MFSD2A: variants seen among roughly 807,000 people sequenced by gnomAD.
MFSD2A encodes sodium-dependent lysophosphatidylcholine symporter 1.
Under a neutral mutation model 64.7 loss-of-function variants are expected in MFSD2A, and 27 were observed. The observed-to-expected ratio is 0.42, with a 90% CI of 0.31 to 0.58. MFSD2A has a LOEUF of 0.58. MFSD2A is among the 20% of genes least tolerant of loss of function. The pLI, the probability that MFSD2A is intolerant of heterozygous loss-of-function variation, is 0.18. For synonymous variants in MFSD2A, 258 were observed against 273.4 expected, an observed-to-expected ratio of 0.94 and a Z score of 0.55; for missense variants, 474 against 679.5, an observed-to-expected ratio of 0.70 and a Z score of 3.36.
chr1:39,967,193 G>A (rs374290503), intron 9 of MFSD2A, 24 bp downstream of exon 9: 58 of 1,599,384 alleles, frequency 3.6e-5, no homozygotes, highest in African/African-American at 1.3e-4. Flanking sequence ...GAGCAGGGGC[G>A]GGCAGCCTGG....
At chr1:39,957,993 G>A (rs1052124983) in intron 2 of MFSD2A, 2 of 152,520 alleles carry the variant, frequency 1.3e-5, no homozygotes, top group African/African-American at 4.8e-5. Flanking sequence ...TGGGTGGGGT[G>A]TAAATATGAG....
At position 39,960,519 on chromosome 1, in the gene MFSD2A, G is replaced by GCCCTGTGCCCGCCT. The variant is rs1645016717; in HGVS notation, c.353+1700_353+1713dup. On this transcript the variant is annotated intron_variant, in intron 3 of 13. Transcript: ENST00000372811. This position sits in a 1 kb window ranked among gnomAD's most constrained non-coding sequence, Gnocchi z 4.8. ...CCCCGGCGCCAGCCCGTGAGACTTGGCCCTGTGCCCGCCTCCCTGGCAGCC... is the reference window on the plus strand; with the variant it reads ...CCCCGGCGCCAGCCCGTGAGACTTGGCCCTGTGCCCGCCTCCCTGTGCCCGCCTCCCTGGCAGCC... Among the ~76,000 whole-genome samples the GCCCTGTGCCCGCCT allele has an allele frequency of 6.6e-6, 1 of 152,244 alleles. No individual in the cohort carries two copies. The highest frequency in any genetic ancestry group is 2.1e-4 in the South Asian group (1 of 4,834).
Position 39,958,686 on chromosome 1 carries a change from T to C in MFSD2A, c.229-15T>C, listed in dbSNP as rs1035485709. ...GAAGGATGAGGAAGTTGTCTTTTGC[T>C]TCTCCTCATTCCAGGTGGGCCCTTT... On this transcript the variant is annotated splice_polypyrimidine_tract_variant and intron_variant, in intron 2 of 13. Transcript: ENST00000372811. The surrounding 1 kb of genome is among the most constrained non-coding windows in gnomAD (Gnocchi z 4.7). 1 of 1,614,048 alleles carries C rather than the reference T, an allele frequency of 6.2e-7. No individual in the cohort carries two copies. The highest frequency in any genetic ancestry group is 1.3e-5 in the African/African-American group (1 of 74,920).
At chr1:39,967,939 C>A (rs1645199642) in intron 11 of MFSD2A, 23 bp downstream of exon 11, 6 of 1,468,956 alleles carry the variant, frequency 4.1e-6, no homozygotes, top group African/African-American at 2.8e-5. Context: ...AGGCCCCCCT[C>A]CTCGGGTATC....
rs535283717 is a variant in MFSD2A, at chr1:39,956,312, A to G, written c.94-775A>G. Among the ~76,000 whole-genome samples the G allele has an allele frequency of 7.2e-5, 11 of 152,240 alleles. No homozygotes were observed. The East Asian group carries it at 1.7e-3, about 24-fold the overall frequency. On this transcript the variant is annotated intron_variant, in intron 1 of 13. Transcript: ENST00000372811. Reference sequence around the variant, plus strand: ...CTATAGTGGTCAGGGATGCTCTGGGATAGGTGGAACAGCTGCGCCTGCAGC... The same window carrying G: ...CTATAGTGGTCAGGGATGCTCTGGGGTAGGTGGAACAGCTGCGCCTGCAGC...
chr1:39,962,416 T>C (rs1006896299), intron 3 of MFSD2A, among the ~76,000 whole-genome samples: 6 of 152,254 alleles, frequency 3.9e-5, no homozygotes, highest in African/African-American at 1.4e-4. Flanking sequence ...CTTTATTTCT[T>C]TTCTTCACAG....
chr1:39,959,882 T>A (rs1176096512), intron 3 of MFSD2A, among the ~76,000 whole-genome samples: 1 of 152,238 alleles, frequency 6.6e-6, no homozygotes, highest in Non-Finnish European at 1.5e-5. Flanking sequence ...CCAGGGGAAC[T>A]GCAGAATCCT....
At position 39,968,014 on chromosome 1, in the gene MFSD2A, G is replaced by T; in HGVS notation, c.1208+98G>T. ...AGTTCTATGCAGTGTTCTCCCACAG[G>T]CCATTCTGTGGGTCCAGGTTAGGAG... On this transcript the variant is annotated intron_variant, in intron 11 of 13. Transcript: ENST00000372811. The surrounding 1 kb of genome is among the most constrained non-coding windows in gnomAD (Gnocchi z 4.4). 2 of 746,944 alleles carry T rather than the reference G, an allele frequency of 2.7e-6. No individual in the cohort carries two copies. The highest frequency in any genetic ancestry group is 4.3e-6 in the Non-Finnish European group (2 of 459,956). The allele number at this position is 746,944 out of a possible 1,614,324, so 46.3% of individuals were successfully genotyped here.
In MFSD2A at chr1:39,955,149, T is replaced by C; in HGVS notation, c.-144T>C. 1 of 531,606 alleles carries C rather than the reference T, an allele frequency of 1.9e-6. No individual in the cohort carries two copies. Among genetic ancestry groups the C allele is most frequent in the Non-Finnish European group, 3.0e-6 (1 of 338,458 alleles). 32.9% of individuals were successfully genotyped at this position (531,606 alleles called of 1,614,324 possible). ...GGCGCGGAGGGGGCGTGCAGCAGAG[T>C]GCGTTCCTCGTCTGCCAGCCGGCTT... On this transcript the variant is annotated 5_prime_UTR_variant, in exon 1 of 14. Transcript: ENST00000372811. The surrounding 1 kb of genome is among the most constrained non-coding windows in gnomAD (Gnocchi z 5.9).
Position 39,965,092 on chromosome 1 carries a change from G to A in MFSD2A, c.354-119G>A. On this transcript the variant is annotated intron_variant, in intron 3 of 13. Coordinates refer to ENST00000372811, the MANE Select transcript of MFSD2A (RefSeq NM_032793.5). The surrounding 1 kb of genome is among the most constrained non-coding windows in gnomAD (Gnocchi z 5.5). ...TGGGTGGATTTGGCAGGAGTATGGG[G>A]AAGGAAGGAAGAGCTTAGCTTCCTT... 1 of 1,391,964 alleles carries A rather than the reference G, an allele frequency of 7.2e-7. No individual in the cohort carries two copies. The highest frequency in any genetic ancestry group is 9.8e-7 in the Non-Finnish European group (1 of 1,023,138). The allele number at this position is 1,391,964 out of a possible 1,614,324, so 86.2% of individuals were successfully genotyped here.
rs1320258626 is a variant in MFSD2A at position 39,969,904 on chromosome 1, G to A, written c.*336G>A. 6.3e-6 allele frequency: 2 copies of A among 316,254 alleles called. No individual in the cohort carries two copies. Among genetic ancestry groups the A allele is most frequent in the African/African-American group, 4.4e-5 (2 of 45,588 alleles). The allele number at this position is 316,254 out of a possible 1,614,324, so 19.6% of individuals were successfully genotyped here. On this transcript the variant is annotated 3_prime_UTR_variant, in exon 14 of 14. Transcript: ENST00000372811. Reference sequence around the variant, plus strand: ...TGTGTACATAGCAATGTGTGTGTATGTATATGTCTGTGAGCTATTAATGTT... The same window carrying A: ...TGTGTACATAGCAATGTGTGTGTATATATATGTCTGTGAGCTATTAATGTT...
rs199998795 is a variant in MFSD2A at position 39,965,337 on chromosome 1, G to A, written c.477+3G>A. 1 of 1,614,088 alleles carries A rather than the reference G, an allele frequency of 6.2e-7. No individual in the cohort carries two copies. Among genetic ancestry groups the A allele is most frequent in the East Asian group, 2.2e-5 (1 of 44,878 alleles). On this transcript the variant is annotated splice_donor_region_variant and intron_variant, in intron 4 of 13. Transcript: ENST00000372811. The surrounding 1 kb of genome is among the most constrained non-coding windows in gnomAD (Gnocchi z 5.5). ...GCCTCTTTGAAACAATGGTCACGGTGAGTGTGGGTACCTCCCTTGGGTGTC... is the reference window on the plus strand; with the variant it reads ...GCCTCTTTGAAACAATGGTCACGGTAAGTGTGGGTACCTCCCTTGGGTGTC...
rs908657082 is a variant in MFSD2A at position 39,968,308 on chromosome 1, C to G, written c.1209-26C>G. 5.0e-6 allele frequency: 8 copies of G among 1,614,048 alleles called. No individual in the cohort carries two copies. On this transcript the variant is annotated intron_variant, in intron 11 of 13. Transcript: ENST00000372811. This position sits in a 1 kb window ranked among gnomAD's most constrained non-coding sequence, Gnocchi z 4.4. ...CAGAGGCCCGTTAGGTGGGTCAGTCCTCATGGCTGTCACTACTCTGCGCAG... is the reference window on the plus strand; with the variant it reads ...CAGAGGCCCGTTAGGTGGGTCAGTCGTCATGGCTGTCACTACTCTGCGCAG...
chr1:39,958,344 C>T lies in MFSD2A; in HGVS notation c.229-357C>T, dbSNP rs962629352. Among the ~76,000 whole-genome samples, 12 of 152,230 alleles carry T rather than the reference C, an allele frequency of 7.9e-5. No homozygotes were observed. Among genetic ancestry groups the T allele is most frequent in the African/African-American group, 2.4e-4 (10 of 41,530 alleles). The stretch of plus-strand genomic sequence containing the variant: ...ACACTGAAGCACACTGTGTTCACCC[C>T]GTGAATGCTCATTCTGATATCAGGT... On this transcript the variant is annotated intron_variant, in intron 2 of 13. Transcript: ENST00000372811. The surrounding 1 kb of genome is among the most constrained non-coding windows in gnomAD (Gnocchi z 4.7).
Position 39,969,730 on chromosome 1 carries a change from C to G in MFSD2A, c.*162C>G, listed in dbSNP as rs1645242084. 4.5e-6 allele frequency: 3 copies of G among 663,496 alleles called. No homozygotes were observed. Among genetic ancestry groups the G allele is most frequent in the South Asian group, 2.0e-5 (1 of 49,414 alleles). The allele number at this position is 663,496 out of a possible 1,614,324, so 41.1% of individuals were successfully genotyped here. A position where few individuals can be genotyped will look rare whatever the true frequency, so the allele number is the denominator to read the frequency against. ...GCTGTGCTCACTGTGGGGCCGGCTG[C>G]TCTGTGGCCTCCTGCCTCCCCTCTG... On this transcript the variant is annotated 3_prime_UTR_variant, in exon 14 of 14. Transcript: ENST00000372811.
intron 3 of MFSD2A, among the ~76,000 whole-genome samples, chr1:39,961,074 C>A (rs1645030017): frequency 6.6e-6 from 1 of 151,776 alleles, no homozygotes. Flanking sequence ...CTCTGCCTCC[C>A]TAAGTGCTGG....
Position 39,966,006 on chromosome 1 carries a change from A to C in MFSD2A, c.706A>C (p.Arg236=). The C allele has an allele frequency of 6.2e-7, 1 of 1,614,154 alleles. No homozygotes were observed. The highest frequency in any genetic ancestry group is 2.2e-5 in the East Asian group (1 of 44,882). Residue 236 remains arginine, a synonymous_variant, in exon 6 of 14, where the codon AGG becomes CGG. Coordinates refer to ENST00000372811, the MANE Select transcript of MFSD2A (RefSeq NM_032793.5). ...ANHTHGTTSH[R]ETQKAYLLAA... ...CCATACACATGGCACCACCTCACAC[A>C]GGGAAACGGTGAGGCCCTGGGCAGG...
rs755738727 is a variant in MFSD2A, at chr1:39,966,700, G to T, written c.805+9G>T. On this transcript the variant is annotated intron_variant, in intron 7 of 13. Coordinates refer to ENST00000372811, the MANE Select transcript of MFSD2A (RefSeq NM_032793.5). The stretch of plus-strand genomic sequence containing the variant: ...CGTGCGGGAGCAGAGAGGTAAGGGG[G>T]TGCCTGGGAAGGGGTGCAGGCCTCA... 3 of 1,613,734 alleles carry T rather than the reference G, an allele frequency of 1.9e-6. No homozygotes were observed. Among genetic ancestry groups the T allele is most frequent in the African/African-American group, 1.3e-5 (1 of 75,040 alleles).
At position 39,958,569 on chromosome 1, in the gene MFSD2A, G is replaced by A; in HGVS notation, c.229-132G>A. 7.3e-7 allele frequency: 1 copy of A among 1,377,718 alleles called. No individual in the cohort carries two copies. The highest frequency in any genetic ancestry group is 1.4e-5 in the African/African-American group (1 of 70,242). The allele number at this position is 1,377,718 out of a possible 1,614,324, so 85.3% of individuals were successfully genotyped here. A position where few individuals can be genotyped will look rare whatever the true frequency, so the allele number is the denominator to read the frequency against. ...AACAAGGCAAGTGAAGATGTGTAAG[G>A]TCCATGTGGGAGCAGCTCAGGGTCA... On this transcript the variant is annotated intron_variant, in intron 2 of 13. Coordinates refer to ENST00000372811, the MANE Select transcript of MFSD2A (RefSeq NM_032793.5). This position sits in a 1 kb window ranked among gnomAD's most constrained non-coding sequence, Gnocchi z 4.7.
Sources: allele counts gnomAD v4.1 joint callset (sites outside exome capture counted in the v4.1 genomes callset), GRCh38; gene constraint gnomAD v4.1.1; non-coding constraint Gnocchi (gnomAD v3.1); transcripts MANE v1.5; gene names NCBI Gene and HGNC (gene_info 2026-07-23, HGNC 2026-07-21).